Variants in OR51B5 observed in about 807,000 individuals in gnomAD.
OR51B5 encodes olfactory receptor 51B5.
For missense variants in OR51B5, 456 were observed against 374.6 expected, an observed-to-expected ratio of 1.22 and a Z score of -1.79; for synonymous variants, 186 against 144.8, an observed-to-expected ratio of 1.28 and a Z score of -2.04.
chr11:5,379,921 C>A (rs1442153722), intron 1 of OR51B5, among the ~76,000 whole-genome samples: 5 of 151,806 alleles, frequency 3.3e-5, no homozygotes, highest in Non-Finnish European at 5.9e-5. Flanking sequence ...CAGCATGAGA[C>A]CTTTATCAGA....
intron 1 of OR51B5, among the ~76,000 whole-genome samples, chr11:5,477,654 C>T (rs112528188): frequency 1.1e-4 from 16 of 152,100 alleles, no homozygotes; most frequent in South Asian, 6.2e-4. Context: ...AGTGGGTGCG[C>T]GCACCGTGCG....
intron 1 of OR51B5, among the ~76,000 whole-genome samples, chr11:5,424,353 CA>C (rs1296801045): frequency 2.0e-5 from 3 of 150,824 alleles, no homozygotes; most frequent in Non-Finnish European, 4.4e-5. Flanking sequence ...AACAAACAAA[CA>C]AAAAACAAAC....
chr11:5,386,219 A>G (rs1026391318), intron 1 of OR51B5, among the ~76,000 whole-genome samples: 8 of 152,124 alleles, frequency 5.3e-5, no homozygotes, highest in African/African-American at 1.9e-4. Flanking sequence ...ATGTGTAGGG[A>G]ATTGAAGAAA....
intron 1 of OR51B5, chr11:5,423,345 A>T (rs1040731694): frequency 1.0e-5 from 6 of 579,766 alleles, no homozygotes; most frequent in African/African-American, 5.6e-5. Context: ...AGAGATATGG[A>T]TCTGAGTTGA....
At chr11:5,444,643 A>G (rs1850736182) in intron 1 of OR51B5, among the ~76,000 whole-genome samples, 1 of 152,152 alleles carries the variant, frequency 6.6e-6, no homozygotes, top group African/African-American at 2.4e-5. Flanking sequence ...AGCTGGATAT[A>G]CTATGCTGTG....
At chr11:5,426,368 A>T (rs1850450970) in intron 1 of OR51B5, among the ~76,000 whole-genome samples, 1 of 152,218 alleles carries the variant, frequency 6.6e-6, no homozygotes, top group Non-Finnish European at 1.5e-5. Flanking sequence ...AACAAAATTT[A>T]AAAATTATTT....
At chr11:5,438,376 C>T (rs1490782354) in intron 1 of OR51B5, among the ~76,000 whole-genome samples, 3 of 149,036 alleles carry the variant, frequency 2.0e-5, no homozygotes, top group Non-Finnish European at 4.5e-5. Flanking sequence ...GTTATCCAGT[C>T]TCAAAAGTGC....
At chr11:5,390,717 A>G (rs1444875600) in intron 1 of OR51B5, 1 of 201,412 alleles carries the variant, frequency 5.0e-6, no homozygotes, top group African/African-American at 2.3e-5. Context: ...CCCAGAGGAG[A>G]GCCTGGCAGA....
intron 1 of OR51B5, among the ~76,000 whole-genome samples, chr11:5,459,299 T>A (rs190940791): frequency 2.6e-3 from 403 of 152,294 alleles, no homozygotes; most frequent in Middle Eastern, 6.8e-3. Flanking sequence ...CCCAGGAACA[T>A]AAAGCGAACT....
intron 1 of OR51B5, among the ~76,000 whole-genome samples, chr11:5,400,104 A>G (rs1849944374): frequency 6.6e-6 from 1 of 152,214 alleles, no homozygotes; most frequent in African/African-American, 2.4e-5. Flanking sequence ...ATTTTCAGCC[A>G]TAAGATGTTC....
intron 1 of OR51B5, among the ~76,000 whole-genome samples, chr11:5,451,990 A>G (rs546356127): frequency 1.3e-5 from 2 of 152,348 alleles, no homozygotes; most frequent in East Asian, 3.9e-4. Context: ...GAATGCCAGC[A>G]TAAGAAAAAT....
chr11:5,369,754 GGTAGCAAGGGCTATGT>G (rs1306502547), intron 1 of OR51B5, among the ~76,000 whole-genome samples: 2 of 152,088 alleles, frequency 1.3e-5, no homozygotes, highest in Non-Finnish European at 2.9e-5. Context: ...CCTATTGGCT[GGTAGCAAGGGCTATGT>G]GTAGCACTGT....
intron 1 of OR51B5, among the ~76,000 whole-genome samples, chr11:5,412,221 C>G (rs971469931): frequency 1.3e-5 from 2 of 152,140 alleles, no homozygotes; most frequent in Non-Finnish European, 2.9e-5. Context: ...ATGACTATAT[C>G]TTCTTGAGTA....
intron 1 of OR51B5, among the ~76,000 whole-genome samples, chr11:5,413,255 G>A (rs1328181099): frequency 6.6e-6 from 1 of 152,116 alleles, no homozygotes; most frequent in Non-Finnish European, 1.5e-5. Context: ...CTAACAAACA[G>A]AAAGGACATC....
At chr11:5,412,382 C>G (rs1311289513) in intron 1 of OR51B5, among the ~76,000 whole-genome samples, 1 of 152,152 alleles carries the variant, frequency 6.6e-6, no homozygotes, top group African/African-American at 2.4e-5. Context: ...CGGGTGATTT[C>G]TGCATTTCCA....
At chr11:5,459,129 C>CA (rs1851007802) in intron 1 of OR51B5, among the ~76,000 whole-genome samples, 1 of 152,186 alleles carries the variant, frequency 6.6e-6, no homozygotes, top group African/African-American at 2.4e-5. Flanking sequence ...TATAATCCTT[C>CA]AATACCTAGT....
intron 1 of OR51B5, among the ~76,000 whole-genome samples, chr11:5,460,403 AAG>A (rs1473874711): frequency 6.6e-6 from 1 of 152,266 alleles, no homozygotes; most frequent in African/African-American, 2.4e-5. Flanking sequence ...GTTTTGAAAA[AAG>A]AAATTCTTCT....
intron 1 of OR51B5, among the ~76,000 whole-genome samples, chr11:5,388,563 C>A (rs1035776738): frequency 3.4e-5 from 5 of 146,432 alleles, no homozygotes; most frequent in Non-Finnish European, 7.5e-5. Context: ...ACTAGATAAA[C>A]TGGAAGAATT....
At chr11:5,340,769 G>A (rs968570281), downstream of OR51B5, 3 of 152,218 alleles carry the variant, frequency 2.0e-5, no homozygotes, top group African/African-American at 7.2e-5. Flanking sequence ...AAAATGTTAT[G>A]CCCTTGGAGG....
Sources: gnomAD v4.1 joint callset for allele counts (sites outside exome capture counted in the v4.1 genomes callset) on GRCh38, gnomAD v4.1.1 for gene constraint, MANE v1.5 for transcripts, NCBI Gene and HGNC (gene_info 2026-07-23, HGNC 2026-07-21) for gene names.